Variants in XG observed in about 807,000 individuals in gnomAD.
XG encodes glycoprotein Xg.
A neutral mutation model predicts 25.7 loss-of-function variants in XG; 24 were observed. The observed-to-expected ratio is 0.93, with a 90% confidence interval of 0.68 to 1.31. The LOEUF (loss-of-function observed/expected upper bound fraction) is 1.31, where lower values mean the gene tolerates loss of function less well. XG is among the 40% of genes most tolerant of loss of function. XG has a pLI of 0.00. For synonymous variants in XG, 77 were observed against 69.2 expected (o/e 1.11, Z -0.56); for missense variants, 181 against 187.6 (o/e 0.96, Z 0.21).
intron 2 of XG, among the ~76,000 whole-genome samples, chrX:2,772,072 G>T (rs2050830755): frequency 6.6e-6 from 1 of 152,170 alleles, no homozygotes; most frequent in Non-Finnish European, 1.5e-5. Context: ...CCAGCGTTTG[G>T]TCTGGATAAA....
Position 2,756,373 on chromosome X carries a change from A to T in XG, c.61+4038A>T, listed in dbSNP as rs192234239. Among the ~76,000 whole-genome samples the T allele has an allele frequency of 2.9e-3, 441 of 152,270 alleles. 1 individual carries two copies. The highest frequency in any genetic ancestry group is 0.01 in the African/African-American group (427 of 41,572). Reference sequence around the variant, plus strand: ...ACAGAGTTCGATAGAAGAAATAAGCACTAGTGTTTACATAATCAGTAGGGT... The same window carrying T: ...ACAGAGTTCGATAGAAGAAATAAGCTCTAGTGTTTACATAATCAGTAGGGT... On this transcript the variant is annotated intron_variant, in intron 1 of 10. Transcript: ENST00000644266.
At position 2,792,222 on chromosome X, in the gene XG, G is replaced by C. The variant is rs758813179; in HGVS notation, c.254-2313G>C. Among the ~76,000 whole-genome samples the C allele has an allele frequency of 1.2e-4, 13 of 112,138 alleles. No homozygotes were observed. The South Asian group carries it at 4.9e-3, about 42-fold the overall frequency. On this transcript the variant is annotated intron_variant, in intron 5 of 10. Transcript: ENST00000644266. ...ACTTGAACCTGGGAGGCGGAGTTCAGTTGGAGTTGCAGTGAGCCGAGATCA... is the reference window on the plus strand; with the variant it reads ...ACTTGAACCTGGGAGGCGGAGTTCACTTGGAGTTGCAGTGAGCCGAGATCA...
At chrX:2,805,780 A>G (rs2086991205) in intron 7 of XG, among the ~76,000 whole-genome samples, 1 of 110,729 alleles carries the variant, frequency 9.0e-6, no homozygotes, top group African/African-American at 3.3e-5. Flanking sequence ...ATTAGGGCCC[A>G]CCCTAGTGAT....
At chrX:2,798,068 G>GAA (rs969481972) in intron 7 of XG, among the ~76,000 whole-genome samples, 4 of 110,910 alleles carry the variant, frequency 3.6e-5, no homozygotes, top group African/African-American at 1.3e-4. Context: ...GAAAAGAAAA[G>GAA]AAAAGAAAAA....
chrX:2,763,665 C>G (rs2050614254), intron 1 of XG, among the ~76,000 whole-genome samples: 1 of 152,160 alleles, frequency 6.6e-6, no homozygotes, highest in Admixed American at 6.5e-5. Context: ...CTTTTTAGAT[C>G]AAAGCAATGT....
chrX:2,814,469 G>C lies in XG; in HGVS notation c.*89G>C. 1 of 1,087,628 alleles carries C rather than the reference G, an allele frequency of 9.2e-7. No homozygotes were observed. 89.6% of individuals were successfully genotyped at this position (1,087,628 alleles called of 1,213,427 possible). A position where few individuals can be genotyped will look rare whatever the true frequency, so the allele number is the denominator to read the frequency against. The stretch of plus-strand genomic sequence containing the variant: ...GTTGTGGAGATTTCCTTTTATTCTT[G>C]ACACAATTTGATGACCTAAAGTGTG... On this transcript the variant is annotated 3_prime_UTR_variant, in exon 11 of 11. Coordinates refer to ENST00000644266, the MANE Select transcript of XG (RefSeq NM_001141919.2).
intron 1 of XG, among the ~76,000 whole-genome samples, chrX:2,760,766 C>T (rs2050548151): frequency 6.9e-6 from 1 of 145,172 alleles, no homozygotes. Flanking sequence ...AGAGGTGATT[C>T]AGGCAAAATG....
chrX:2,770,549 G>A lies in XG; in HGVS notation c.62-1G>A, dbSNP rs1244410092. 4 of 1,613,792 alleles carry A rather than the reference G, an allele frequency of 2.5e-6. No individual in the cohort carries two copies. Among genetic ancestry groups the A allele is most frequent in the Admixed American group, 1.7e-5 (1 of 59,980 alleles). On this transcript the variant is annotated splice_acceptor_variant, in intron 1 of 10. Coordinates refer to ENST00000644266, the MANE Select transcript of XG (RefSeq NM_001141919.2). LOFTEE classifies it high-confidence loss of function. ...ACTTATGCCCTGTTTGCTCCCAATA[G>A]GTCAAAGAGACTTTGATTTGGCAGA...
chrX:2,788,672 T>C (rs112038934), intron 4 of XG, among the ~76,000 whole-genome samples: 4 of 110,317 alleles, frequency 3.6e-5, no homozygotes, highest in African/African-American at 9.9e-5. Flanking sequence ...CTGGGCAACA[T>C]AGTGAAATCC....
chrX:2,806,591 A>G, intron 7 of XG, 110 bp from the exon 8 acceptor site: 2 of 665,574 alleles, frequency 3.0e-6, no homozygotes, highest in South Asian at 5.3e-5. Context: ...GAATCTCTGC[A>G]GCTTTTAAGA....
intron 1 of XG, among the ~76,000 whole-genome samples, chrX:2,755,739 A>C (rs190105687): frequency 1.3e-5 from 2 of 152,166 alleles, no homozygotes; most frequent in Admixed American, 6.5e-5. Context: ...GATGATGTAC[A>C]TGCAGCAGCT....
chrX:2,780,185 A>AAAAAG (rs761742964), intron 3 of XG, among the ~76,000 whole-genome samples: 33 of 152,152 alleles, frequency 2.2e-4, no homozygotes, highest in African/African-American at 5.1e-4. Flanking sequence ...GGATGGTGAA[A>AAAAAG]AAAAGAAAAG....
At chrX:2,770,149 G>T (rs779594827) in intron 1 of XG, among the ~76,000 whole-genome samples, 1 of 152,156 alleles carries the variant, frequency 6.6e-6, no homozygotes, top group Non-Finnish European at 1.5e-5. Context: ...CAGGAATGAA[G>T]CTCTGACACA....
chrX:2,810,476 G>T (rs1390384725), intron 9 of XG, among the ~76,000 whole-genome samples: 37 of 110,674 alleles, frequency 3.3e-4, no homozygotes, highest in Non-Finnish European at 7.6e-5. Flanking sequence ...ATTTTTGCAT[G>T]AGTGGGCATT....
rs1001120027 is a variant in XG, at chrX:2,774,720, C to A, written c.108C>A (p.Pro36=). Residue 36 remains proline (P), a synonymous_variant, in exon 3 of 11, where the codon CCC becomes CCA. Transcript: ENST00000644266. ...ATTTTCTCTCTTTGTTCACAGAACC[C>A]ACCAAGAAGCCAAACTCAGGTGAGT... ...DLADALDDPE[P]TKKPNSDIYP... is the part of the protein sequence containing the mutation. 1 of 1,613,646 alleles carries A rather than the reference C, an allele frequency of 6.2e-7. No homozygotes were observed. Among genetic ancestry groups the A allele is most frequent in the African/African-American group, 1.3e-5 (1 of 74,820 alleles).
rs182122247 is a variant in XG at position 2,793,198 on chromosome X, C to T, written c.254-1337C>T. 6.7e-3 allele frequency among the ~76,000 whole-genome samples: 753 copies of T among 112,029 alleles called. 3 individuals carry two copies. The highest frequency in any genetic ancestry group is 0.023 in the African/African-American group (716 of 30,844). ...GGTTGCACCCGGCTTGCATTTCACA[C>T]GTTTAATAAACTCAATCAGCATGTT... On this transcript the variant is annotated intron_variant, in intron 5 of 10. Transcript: ENST00000644266.
intron 3 of XG, 76 bp downstream of exon 3, chrX:2,774,815 G>A (rs2050939351): frequency 1.9e-6 from 3 of 1,576,558 alleles, no homozygotes; most frequent in Non-Finnish European, 2.6e-6. Context: ...GGTTGAGGAT[G>A]TTTTACAGAA....
intron 3 of XG, 40 bp downstream of exon 3, chrX:2,774,779 C>G (rs1217274619): frequency 6.2e-7 from 1 of 1,613,164 alleles, no homozygotes. Context: ...AGGCAACGTC[C>G]TTGAACTGAT....
intron 3 of XG, among the ~76,000 whole-genome samples, chrX:2,778,119 G>A (rs983032438): frequency 9.2e-5 from 14 of 152,178 alleles, no homozygotes; most frequent in Admixed American, 5.2e-4. Flanking sequence ...TTCCCTGAAT[G>A]ATAATGGAAT....
Sources: allele counts gnomAD v4.1 joint callset (sites outside exome capture counted in the v4.1 genomes callset), GRCh38; gene constraint gnomAD v4.1.1; transcripts MANE v1.5; gene names NCBI Gene and HGNC (gene_info 2026-07-23, HGNC 2026-07-21).